SCAPER: variants seen among roughly 807,000 people sequenced by gnomAD.
SCAPER encodes S phase cyclin A-associated protein in the endoplasmic reticulum.
In SCAPER, 98 loss-of-function variants were observed where a neutral mutation model predicts 182.2. The observed-to-expected ratio is 0.54, with a 90% CI of 0.46 to 0.64. SCAPER has a LOEUF of 0.64. SCAPER is among the 30% of genes least tolerant of loss of function. The pLI, the probability that SCAPER is intolerant of heterozygous loss-of-function variation, is 0.00. For synonymous variants in SCAPER, 605 were observed against 564.6 expected (o/e 1.07, Z -1.01); for missense variants, 1,432 against 1,690.0 (o/e 0.85, Z 2.68).
chr15:76,805,034 T>C (rs2066053385), intron 5 of SCAPER, among the ~76,000 whole-genome samples: 1 of 152,168 alleles, frequency 6.6e-6, no homozygotes, highest in Middle Eastern at 3.2e-3. Context: ...GATAATAAGA[T>C]GCCATCTTTA....
intron 15 of SCAPER, among the ~76,000 whole-genome samples, chr15:76,735,435 C>T (rs2151072846): frequency 1.3e-5 from 2 of 152,080 alleles, no homozygotes; most frequent in South Asian, 4.2e-4. Flanking sequence ...CGGTGACTCA[C>T]ACCTATAATC....
At chr15:76,668,360 T>C (rs1230175404) in intron 20 of SCAPER, among the ~76,000 whole-genome samples, 3 of 152,182 alleles carry the variant, frequency 2.0e-5, no homozygotes, top group Non-Finnish European at 2.9e-5. Context: ...ATTCCTTTTA[T>C]CAAAACTTAC....
In SCAPER at chr15:76,639,487, T is replaced by C. The variant is rs569991109; in HGVS notation, c.2646-17658A>G. Among the ~76,000 whole-genome samples the C allele has an allele frequency of 3.9e-5, 6 of 152,342 alleles. No homozygotes were observed. The South Asian group carries it at 1.2e-3, about 32-fold the overall frequency. Reference sequence around the variant, plus strand: ...CATTCAGAATTATGGAGATTAACTATAGCTATGACTGGTATGAGAGTTGGG... The same window carrying C: ...CATTCAGAATTATGGAGATTAACTACAGCTATGACTGGTATGAGAGTTGGG... On this transcript the variant is annotated intron_variant, in intron 21 of 31. Coordinates refer to ENST00000563290, the MANE Select transcript of SCAPER (RefSeq NM_020843.4).
intron 23 of SCAPER, among the ~76,000 whole-genome samples, chr15:76,508,429 T>C (rs1045893389): frequency 2.0e-5 from 3 of 152,150 alleles, no homozygotes; most frequent in Non-Finnish European, 4.4e-5. Context: ...TATCTAGGAG[T>C]AGAACTGCTG....
chr15:76,614,382 C>A (rs1360906300), intron 22 of SCAPER, among the ~76,000 whole-genome samples: 1 of 152,038 alleles, frequency 6.6e-6, no homozygotes, highest in Non-Finnish European at 1.5e-5. Flanking sequence ...GCACTTGTAA[C>A]CCTGAACTTA....
At chr15:76,763,089 T>G (rs2062891469) in intron 14 of SCAPER, among the ~76,000 whole-genome samples, 1 of 152,214 alleles carries the variant, frequency 6.6e-6, no homozygotes, top group Admixed American at 6.5e-5. Flanking sequence ...ACATTGGTGT[T>G]TATCATTTTT....
Position 76,596,700 on chromosome 15 carries a change from C to T in SCAPER, c.2712-22416G>A, listed in dbSNP as rs140263595. On this transcript the variant is annotated intron_variant, in intron 22 of 31. Coordinates refer to ENST00000563290, the MANE Select transcript of SCAPER (RefSeq NM_020843.4). ...CTATCCATCACATAAACAGAACCAA[C>T]GAGAAAAACCACAAGATTATCTCAA... is the stretch of plus-strand genomic sequence containing the variant. Among the ~76,000 whole-genome samples the T allele has an allele frequency of 1.5e-3, 184 of 120,868 alleles. 40 individuals are homozygous for T. Among genetic ancestry groups the T allele is most frequent in the African/African-American group, 2.2e-3 (88 of 39,672 alleles). 79.3% of individuals were successfully genotyped at this position (120,868 alleles called of 152,430 possible). A position where few individuals can be genotyped will look rare whatever the true frequency, so the allele number is the denominator to read the frequency against.
intron 14 of SCAPER, among the ~76,000 whole-genome samples, chr15:76,764,359 T>A (rs1429965967): frequency 6.6e-6 from 1 of 152,198 alleles, no homozygotes; most frequent in Admixed American, 6.5e-5. Context: ...GAAGTGAGCA[T>A]CCCTGGTAGG....
At chr15:76,704,776 C>T (rs112370670) in intron 18 of SCAPER, among the ~76,000 whole-genome samples, 26 of 152,248 alleles carry the variant, frequency 1.7e-4, no homozygotes, top group African/African-American at 6.3e-4. Context: ...ATTTATGCAG[C>T]CAAAAGACAC....
intron 8 of SCAPER, chr15:76,793,366 G>T: frequency 3.0e-6 from 2 of 670,324 alleles, no homozygotes; most frequent in Non-Finnish European, 5.5e-6. Context: ...GCAGCCCCTA[G>T]GTGGCTTCAG....
At chr15:76,626,367 A>G (rs141814814) in intron 21 of SCAPER, among the ~76,000 whole-genome samples, 206 of 152,320 alleles carry the variant, frequency 1.4e-3, no homozygotes, top group African/African-American at 4.7e-3. Context: ...ACATAATGAG[A>G]ATATTCAAGA....
intron 22 of SCAPER, among the ~76,000 whole-genome samples, chr15:76,607,188 A>T (rs62030423): frequency 0.084 from 12,807 of 152,136 alleles, 611 homozygotes; most frequent in Middle Eastern, 0.12. Context: ...TGCTTCCTTC[A>T]GGAGCTCTTT....
chr15:76,632,135 A>C (rs1330401486), intron 21 of SCAPER, among the ~76,000 whole-genome samples: 1 of 152,082 alleles, frequency 6.6e-6, no homozygotes, highest in Non-Finnish European at 1.5e-5. Context: ...CAGCTCCATC[A>C]GGTCATTTAC....
rs754216073 is a variant in SCAPER, at chr15:76,774,950, C to A, written c.940G>T (p.Gly314Cys). The change falls in exon 9 of 32, where the codon GGT (glycine) becomes TGT (cysteine). Residue 314 changes from glycine to cysteine, a missense_variant. Physicochemically the swap from Gly to Cys is radical, Grantham distance 159. Around this residue, in one of 5 missense-constraint regions of SCAPER, gnomAD observed 480 missense variants for 510.2 expected, o/e 0.94. Coordinates refer to ENST00000563290, the MANE Select transcript of SCAPER (RefSeq NM_020843.4). ...CLLPDESIQK[G>C]QFVGDGTSNT... ...GAAGTTCCATCTCCAACAAATTGAC[C>A]TTTCTGTATGCTTTCATCAGGTAAA... 9 of 1,613,600 alleles carry A rather than the reference C, an allele frequency of 5.6e-6. No homozygotes were observed. The African/African-American group carries it at 1.1e-4, about 19-fold the overall frequency.
At chr15:76,764,936 A>T in intron 14 of SCAPER, 25 bp downstream of exon 14, 1 of 1,424,380 alleles carries the variant, frequency 7.0e-7, no homozygotes, top group Non-Finnish European at 9.6e-7. Context: ...AGACTATCAT[A>T]ATTTCCTAAA....
chr15:76,565,433 A>G (rs1023204131), intron 23 of SCAPER, among the ~76,000 whole-genome samples: 1 of 152,132 alleles, frequency 6.6e-6, no homozygotes, highest in African/African-American at 2.4e-5. Flanking sequence ...AAAAAGTTCC[A>G]CATCACTGAT....
At chr15:76,606,150 G>C (rs1341794008) in intron 22 of SCAPER, among the ~76,000 whole-genome samples, 3 of 152,054 alleles carry the variant, frequency 2.0e-5, no homozygotes, top group Non-Finnish European at 2.9e-5. Flanking sequence ...TTTCTCTTGT[G>C]GGCATTTAGT....
At chr15:76,681,213 A>G (rs917567795) in intron 20 of SCAPER, among the ~76,000 whole-genome samples, 1 of 152,226 alleles carries the variant, frequency 6.6e-6, no homozygotes, top group African/African-American at 2.4e-5. Flanking sequence ...AGAAAAATCT[A>G]TTCCTAACCC....
intron 23 of SCAPER, among the ~76,000 whole-genome samples, chr15:76,549,134 A>C (rs866369077): frequency 1.3e-5 from 2 of 152,188 alleles, no homozygotes; most frequent in Middle Eastern, 3.2e-3. Flanking sequence ...AAGTGGGCAA[A>C]GGATATGAAC....
Sources: allele counts gnomAD v4.1 joint callset (sites outside exome capture counted in the v4.1 genomes callset), GRCh38; gene constraint gnomAD v4.1.1; regional missense constraint gnomAD v4.1.1; transcripts MANE v1.5; gene names NCBI Gene and HGNC (gene_info 2026-07-23, HGNC 2026-07-21).